Variants in CLIP2 observed in about 807,000 individuals in gnomAD.
CLIP2 encodes CAP-Gly domain-containing linker protein 2.
CLIP2 carries 41 observed loss-of-function variants against 111.7 expected under a neutral mutation model. The ratio of observed to expected loss-of-function variants is 0.37; its 90% CI spans 0.29 to 0.48. The LOEUF is 0.48. Ranked by LOEUF, CLIP2 falls within the 20% of genes least tolerant of loss-of-function variation. The probability of loss-of-function intolerance (pLI) is 0.99; values close to 1 mark genes in which losing one functional copy is unlikely to be tolerated. For synonymous variants in CLIP2, 660 were observed against 644.2 expected, an observed-to-expected ratio of 1.02 and a Z score of -0.37; for missense variants, 1,160 against 1,422.1, an observed-to-expected ratio of 0.82 and a Z score of 2.96.
chr7:74,360,071 G>A (rs1364867488), intron 6 of CLIP2, 104 bp from the exon 7 acceptor site: 1 of 890,610 alleles, frequency 1.1e-6, no homozygotes, highest in Non-Finnish European at 1.7e-6. Flanking sequence ...TGGGGTGACT[G>A]GGGTTCCAGG....
At chr7:74,389,674 G>A (rs561526493) in intron 13 of CLIP2, among the ~76,000 whole-genome samples, 46 of 151,558 alleles carry the variant, frequency 3.0e-4, no homozygotes, top group African/African-American at 1.1e-3. Flanking sequence ...CGAGGCAGCC[G>A]GATCACCTGA....
chr7:74,362,532 T>C (rs1359293366), intron 7 of CLIP2, among the ~76,000 whole-genome samples: 2 of 146,662 alleles, frequency 1.4e-5, no homozygotes, highest in Non-Finnish European at 1.5e-5. Context: ...TCTTTTCTTT[T>C]TTTTTTTTTT....
Position 74,389,133 on chromosome 7 carries a change from A to G in CLIP2, c.2594A>G (p.Lys865Arg), listed in dbSNP as rs1554315333. ...GAGAGCAAGTGTAAGTCAGGCGAGA[A>G]GAAGGTGGACGCCCTCCTGAAGGAG... is the stretch of plus-strand genomic sequence containing the variant. ...ALESKCKSGE[K>R]KVDALLKEKR... Residue 865 changes from lysine (K) to arginine (R), a missense_variant, in exon 13 of 17, where the codon AAG becomes AGG. This residue lies in a region of CLIP2 where 676 missense variants were observed against 777.8 expected (regional missense o/e 0.87). Coordinates refer to ENST00000223398, the MANE Select transcript of CLIP2 (RefSeq NM_003388.5). 6.2e-7 allele frequency: 1 copy of G among 1,613,162 alleles called. No homozygotes were observed. The highest frequency in any genetic ancestry group is 1.7e-5 in the Admixed American group (1 of 59,804).
At position 74,306,868 on chromosome 7, in the gene CLIP2, A is replaced by G. The variant is rs1788504613; in HGVS notation, c.-67-10612A>G. Among the ~76,000 whole-genome samples the G allele has an allele frequency of 2.0e-5, 3 of 152,266 alleles. No homozygotes were observed. In the South Asian group the frequency reaches 6.2e-4, roughly 32 times the overall value. ...ATGAAACTGAGGCTCTCTCTGGGCCAAGGGCTCACAGCCACTCGGAGAAAG... is the reference window on the plus strand; with the variant it reads ...ATGAAACTGAGGCTCTCTCTGGGCCGAGGGCTCACAGCCACTCGGAGAAAG... On this transcript the variant is annotated intron_variant, in intron 1 of 16. Transcript: ENST00000223398.
At chr7:74,342,556 G>A (rs1789687044) in intron 3 of CLIP2, among the ~76,000 whole-genome samples, 2 of 152,162 alleles carry the variant, frequency 1.3e-5, no homozygotes, top group Admixed American at 1.3e-4. Flanking sequence ...GCAGCTGTGT[G>A]ACAGGTTCAT....
intron 7 of CLIP2, 77 bp from the exon 8 acceptor site, chr7:74,364,178 T>A: frequency 1.5e-6 from 2 of 1,339,742 alleles, no homozygotes; most frequent in Non-Finnish European, 2.1e-6. Context: ...GCCTTGCCTC[T>A]CTCTGCTGTT....
At chr7:74,290,452 G>C (rs1165696728) in intron 1 of CLIP2, among the ~76,000 whole-genome samples, 1 of 152,244 alleles carries the variant, frequency 6.6e-6, no homozygotes, top group African/African-American at 2.4e-5. Flanking sequence ...TTCAGGGCCC[G>C]CCCGTTTGGA....
chr7:74,340,217 G>A (rs1283113246), intron 3 of CLIP2, among the ~76,000 whole-genome samples: 1 of 152,100 alleles, frequency 6.6e-6, no homozygotes, highest in Admixed American at 6.6e-5. Flanking sequence ...CCAACATGGC[G>A]AAACACCATC....
rs568149751 is a variant in CLIP2 at position 74,297,521 on chromosome 7, C to T, written c.-68+7787C>T. Among the ~76,000 whole-genome samples the T allele has an allele frequency of 4.5e-4, 69 of 152,210 alleles. No individual in the cohort carries two copies. The South Asian group carries it at 0.014, about 31-fold the overall frequency. On this transcript the variant is annotated intron_variant, in intron 1 of 16. Transcript: ENST00000223398. ...CGAATAAGAAAACAAAAGCAGGGCC[C>T]CCCCTTTGAGAGGAAGCCTCAGCCT... is the stretch of plus-strand genomic sequence containing the variant.
chr7:74,306,048 C>T (rs138479512), intron 1 of CLIP2, among the ~76,000 whole-genome samples: 3 of 152,132 alleles, frequency 2.0e-5, no homozygotes, highest in African/African-American at 7.2e-5. Flanking sequence ...TCCCCTGCTG[C>T]CTTCCAGCCC....
At chr7:74,304,388 T>C (rs987872293) in intron 1 of CLIP2, among the ~76,000 whole-genome samples, 5 of 151,720 alleles carry the variant, frequency 3.3e-5, no homozygotes, top group Admixed American at 6.6e-5. Context: ...TAGCTGGGCA[T>C]GATGGCAGAT....
intron 2 of CLIP2, among the ~76,000 whole-genome samples, chr7:74,321,443 C>T (rs1220072210): frequency 2.0e-5 from 3 of 152,044 alleles, no homozygotes; most frequent in African/African-American, 7.2e-5. Flanking sequence ...TGTCATGTTG[C>T]AGCGCAATTA....
rs370029630 is a variant in CLIP2 at position 74,396,709 on chromosome 7, T to C, written c.2721-365T>C. On this transcript the variant is annotated intron_variant, in intron 13 of 16. Coordinates refer to ENST00000223398, the MANE Select transcript of CLIP2 (RefSeq NM_003388.5). ...CTAATTTTTGTATTTTTAGTAGAGA[T>C]GGGGTTTCACCATGTTGGCCAGGCT... 1.5e-3 allele frequency among the ~76,000 whole-genome samples: 234 copies of C among 152,120 alleles called. 1 individual carries two copies. The highest frequency in any genetic ancestry group is 4.5e-3 in the African/African-American group (187 of 41,500).
Position 74,394,242 on chromosome 7 carries a change from C to CTTCTTTTTTTTTTTTTTTTTTTTTT in CLIP2, c.2721-2830_2721-2829insCTTTTTTTTTTTTTTTTTTTTTTTT, listed in dbSNP as rs782731877. Among the ~76,000 whole-genome samples, 5 of 119,736 alleles carry CTTCTTTTTTTTTTTTTTTTTTTTTT rather than the reference C, an allele frequency of 4.2e-5. 2 individuals carry two copies. 78.6% of individuals were successfully genotyped at this position (119,736 alleles called of 152,430 possible). A position where few individuals can be genotyped will look rare whatever the true frequency, so the allele number is the denominator to read the frequency against. On this transcript the variant is annotated intron_variant, in intron 13 of 16. Coordinates refer to ENST00000223398, the MANE Select transcript of CLIP2 (RefSeq NM_003388.5). Reference sequence around the variant, plus strand: ...CCTTCTGGGATACCTTCTTTTTCTTCTTATTTTTTTTTTTTTTTTTTTTTT... The same window carrying CTTCTTTTTTTTTTTTTTTTTTTTTT: ...CCTTCTGGGATACCTTCTTTTTCTTCTTCTTTTTTTTTTTTTTTTTTTTTTTTATTTTTTTTTTTTTTTTTTTTTT...
chr7:74,370,682 T>C (rs1290401807), intron 8 of CLIP2, among the ~76,000 whole-genome samples: 1 of 149,764 alleles, frequency 6.7e-6, no homozygotes, highest in Non-Finnish European at 1.5e-5. Context: ...CTTTTCTCTT[T>C]CTGGAACACC....
At chr7:74,343,974 T>G (rs1483010309) in intron 3 of CLIP2, among the ~76,000 whole-genome samples, 2 of 152,094 alleles carry the variant, frequency 1.3e-5, no homozygotes, top group African/African-American at 4.8e-5. Context: ...GCTATGGCTG[T>G]GCACAGTCTG....
intron 1 of CLIP2, among the ~76,000 whole-genome samples, chr7:74,297,585 G>A (rs797036332): frequency 6.6e-5 from 10 of 152,190 alleles, no homozygotes; most frequent in African/African-American, 2.4e-4. Flanking sequence ...GGGGCTCACT[G>A]CCTGTTCCTT....
chr7:74,375,959 G>A lies in CLIP2; in HGVS notation c.1558G>A (p.Glu520Lys), dbSNP rs782029345. The part of the protein sequence containing the change: ...EELTLRRGEI[E>K]ELQQCLLHSG... ...GCTCACCCTGCGCCGAGGTGAAATC[G>A]AGGAGCTCCAGCAGTGCCTGTTGCA... Residue 520 changes from glutamate (E) to lysine (K), a missense_variant, in exon 10 of 17, where the codon GAG becomes AAG. Transcript: ENST00000223398. 8 of 1,607,334 alleles carry A rather than the reference G, an allele frequency of 5.0e-6. No individual in the cohort carries two copies. The highest frequency in any genetic ancestry group is 2.2e-5 in the East Asian group (1 of 44,650).
intron 1 of CLIP2, among the ~76,000 whole-genome samples, chr7:74,302,124 C>T (rs1437581347): frequency 1.3e-5 from 2 of 152,100 alleles, no homozygotes; most frequent in Non-Finnish European, 2.9e-5. Context: ...CTAGCTCCCG[C>T]GAGACAGACA....
Sources: allele counts gnomAD v4.1 joint callset (sites outside exome capture counted in the v4.1 genomes callset), GRCh38; gene constraint gnomAD v4.1.1; regional missense constraint gnomAD v4.1.1; transcripts MANE v1.5; gene names NCBI Gene and HGNC (gene_info 2026-07-23, HGNC 2026-07-21).